CRAMP1: variants seen among roughly 807,000 people sequenced by gnomAD.
The protein encoded by CRAMP1 is protein cramped-like.
A neutral mutation model predicts 115.4 loss-of-function variants in CRAMP1; 50 were observed. The ratio of observed to expected loss-of-function variants is 0.43; its 90% CI spans 0.35 to 0.55. The LOEUF (loss-of-function observed/expected upper bound fraction) is 0.55. CRAMP1 is among the 20% of genes least tolerant of loss of function. CRAMP1 has a pLI of 0.01. For synonymous variants in CRAMP1, 866 were observed against 745.4 expected (o/e 1.16, Z -2.64); for missense variants, 1,679 against 1,721.7 (o/e 0.98, Z 0.44).
In CRAMP1 at chr16:1,670,785, C is replaced by T. The variant is rs1265605506; in HGVS notation, c.3621C>T (p.Ser1207=). The change falls in exon 20 of 21, where the codon TCC becomes TCT. Residue 1207 remains serine (S), a synonymous_variant. Coordinates refer to ENST00000397412, the MANE Select transcript of CRAMP1 (RefSeq NM_020825.4). ...GAAACTCGCGGGACTCATTTGTGTC[C>T]AGGTCCCTGGCTGACGTTGCAGAGG... The part of the protein sequence containing the change: ...LDGNSRDSFV[S]RSLADVAEVV... The T allele has an allele frequency of 1.9e-6, 3 of 1,613,996 alleles. No individual in the cohort carries two copies. Among genetic ancestry groups the T allele is most frequent in the Non-Finnish European group, 2.5e-6 (3 of 1,179,890 alleles).
At chr16:1,668,222 C>T in intron 18 of CRAMP1, 29 bp downstream of exon 18, 1 of 1,482,278 alleles carries the variant, frequency 6.7e-7, no homozygotes, top group Non-Finnish European at 9.4e-7. Flanking sequence ...CACAGCCCTT[C>T]CTGTCATCAG....
At chr16:1,650,172 T>C (rs566660925) in intron 6 of CRAMP1, among the ~76,000 whole-genome samples, 1 of 152,308 alleles carries the variant, frequency 6.6e-6, no homozygotes, top group African/African-American at 2.4e-5. Flanking sequence ...TGAGACTGCA[T>C]AATGCTGAAA....
intron 10 of CRAMP1, among the ~76,000 whole-genome samples, chr16:1,659,369 TATTGATTG>T (rs776484859): frequency 6.6e-6 from 1 of 152,048 alleles, no homozygotes; most frequent in African/African-American, 2.4e-5. Context: ...CAGTGACTTT[TATTGATTG>T]ATTGATTGAT....
At chr16:1,670,286 G>T (rs1023693216) in intron 19 of CRAMP1, among the ~76,000 whole-genome samples, 1 of 146,836 alleles carries the variant, frequency 6.8e-6, no homozygotes, top group Non-Finnish European at 1.5e-5. Flanking sequence ...AGCAAAGTTG[G>T]AAACAACCTG....
At chr16:1,629,102 A>G (rs1446044649) in intron 3 of CRAMP1, among the ~76,000 whole-genome samples, 1 of 152,102 alleles carries the variant, frequency 6.6e-6, no homozygotes, top group East Asian at 1.9e-4. Context: ...GTTCCTGCTT[A>G]TATCCGTCCA....
chr16:1,642,217 T>C (rs1419235218), intron 6 of CRAMP1, among the ~76,000 whole-genome samples: 1 of 152,198 alleles, frequency 6.6e-6, no homozygotes, highest in African/African-American at 2.4e-5. Context: ...ACTTCACCCT[T>C]GGACCTCTGG....
chr16:1,613,196 C>T (rs1331218538), intron 1 of CRAMP1, among the ~76,000 whole-genome samples: 3 of 151,992 alleles, frequency 2.0e-5, no homozygotes, highest in African/African-American at 7.3e-5. Flanking sequence ...CACGAAATCC[C>T]TTAAGTTGGG....
intron 4 of CRAMP1, among the ~76,000 whole-genome samples, chr16:1,635,118 G>A (rs1469882447): frequency 1.3e-5 from 2 of 152,114 alleles, no homozygotes; most frequent in Admixed American, 6.5e-5. Context: ...AGCTGGTCTT[G>A]AACTCCTGAG....
At chr16:1,626,373 C>T (rs1014988807) in intron 3 of CRAMP1, among the ~76,000 whole-genome samples, 2 of 152,214 alleles carry the variant, frequency 1.3e-5, no homozygotes, top group Admixed American at 6.5e-5. Flanking sequence ...GAAGCTAGTA[C>T]TGGTGAGGTG....
intron 4 of CRAMP1, among the ~76,000 whole-genome samples, chr16:1,633,260 G>A (rs941591890): frequency 6.6e-6 from 1 of 152,182 alleles, no homozygotes. Context: ...AGCTTTGCCC[G>A]GAGCTTTGGG....
At chr16:1,673,318 G>T (rs1466041077) in intron 20 of CRAMP1, among the ~76,000 whole-genome samples, 2 of 141,222 alleles carry the variant, frequency 1.4e-5, no homozygotes, top group South Asian at 4.5e-4. Flanking sequence ...ACAGGAACGT[G>T]TCCCCCACCT....
rs1018009927 is a variant in CRAMP1, at chr16:1,612,373, G to T, written c.-286G>T. The T allele has an allele frequency of 1.3e-5, 2 of 151,794 alleles. No homozygotes were observed. Among genetic ancestry groups the T allele is most frequent in the African/African-American group, 2.4e-5 (1 of 41,354 alleles). The allele number at this position is 151,794 out of a possible 1,614,324, so 9.4% of individuals were successfully genotyped here. A position where few individuals can be genotyped will look rare whatever the true frequency, so the allele number is the denominator to read the frequency against. ...CGCGCCGTCCGTGAGGTCCCCACCG[G>T]CCGCCGTAGCCGGAACTGCTGCTGA... On this transcript the variant is annotated 5_prime_UTR_variant, in exon 1 of 21. Transcript: ENST00000397412.
At chr16:1,627,652 C>T (rs2036518128) in intron 3 of CRAMP1, among the ~76,000 whole-genome samples, 2 of 152,212 alleles carry the variant, frequency 1.3e-5, no homozygotes, top group African/African-American at 4.8e-5. Context: ...ACTGCCGTGG[C>T]AGTGTGGCTT....
intron 8 of CRAMP1, among the ~76,000 whole-genome samples, chr16:1,654,018 T>A (rs1230639940): frequency 2.3e-5 from 3 of 129,518 alleles, no homozygotes; most frequent in African/African-American, 8.7e-5. Context: ...TGGTGGGTGC[T>A]TGTAATTCCA....
At chr16:1,665,030 C>G (rs199544581) in intron 13 of CRAMP1, 27 bp from the exon 14 acceptor site, 109 of 1,517,394 alleles carry the variant, frequency 7.2e-5, no homozygotes, top group Middle Eastern at 6.8e-4. Context: ...GTTTCATCAC[C>G]TTGATTGTTG....
intron 8 of CRAMP1, among the ~76,000 whole-genome samples, chr16:1,653,499 C>G (rs1172011135): frequency 3.3e-5 from 5 of 152,226 alleles, no homozygotes; most frequent in Non-Finnish European, 4.4e-5. Context: ...CACAAGGCGC[C>G]ATCGTGGAAA....
At chr16:1,625,244 C>T (rs2036499040) in intron 2 of CRAMP1, among the ~76,000 whole-genome samples, 1 of 152,090 alleles carries the variant, frequency 6.6e-6, no homozygotes, top group Non-Finnish European at 1.5e-5. Context: ...ATCTCTGCCT[C>T]CGGTCTCGGA....
intron 6 of CRAMP1, chr16:1,647,050 G>T (rs1326139813): frequency 1.4e-6 from 1 of 702,840 alleles, no homozygotes; most frequent in African/African-American, 1.7e-5. Flanking sequence ...CAGGAAACCT[G>T]TCAAGGTGAG....
At chr16:1,655,165 T>C in intron 8 of CRAMP1, 54 bp from the exon 9 acceptor site, 1 of 1,475,668 alleles carries the variant, frequency 6.8e-7, no homozygotes, top group Non-Finnish European at 9.5e-7. Flanking sequence ...ACTCTTCAGA[T>C]GGTTTCCTTC....
Sources: allele counts gnomAD v4.1 joint callset (sites outside exome capture counted in the v4.1 genomes callset), GRCh38; gene constraint gnomAD v4.1.1; transcripts MANE v1.5; gene names NCBI Gene and HGNC (gene_info 2026-07-23, HGNC 2026-07-21).